NELFE: variants seen among roughly 807,000 people sequenced by gnomAD.
NELFE encodes the protein negative elongation factor E.
NELFE carries 26 observed loss-of-function variants against 55.5 expected under a neutral mutation model. That is an observed-to-expected ratio of 0.47 (90% CI 0.34 to 0.65). The LOEUF (loss-of-function observed/expected upper bound fraction) is 0.65. Among genes scored for constraint, NELFE ranks in the 30% least tolerant of loss-of-function variants. NELFE has a pLI of 0.01. For synonymous variants in NELFE, 162 were observed against 178.0 expected, an observed-to-expected ratio of 0.91 and a Z score of 0.72; for missense variants, 403 against 506.9, an observed-to-expected ratio of 0.80 and a Z score of 1.97.
intron 4 of NELFE, among the ~76,000 whole-genome samples, chr6:31,955,940 T>C (rs1248734381): frequency 1.3e-5 from 2 of 151,918 alleles, no homozygotes; most frequent in Non-Finnish European, 2.9e-5. Context: ...CTGCTAATTT[T>C]TTTTTTTTTT....
At chr6:31,958,247 CTGTGA>C (rs1772213278) in intron 2 of NELFE, 120 bp downstream of exon 2, 1 of 853,228 alleles carries the variant, frequency 1.2e-6, no homozygotes, top group South Asian at 1.3e-5. Flanking sequence ...CGAAGCTACA[CTGTGA>C]GGTGATATGT....
At chr6:31,958,599 G>T in intron 1 of NELFE, 145 bp from the exon 2 acceptor site, 1 of 728,574 alleles carries the variant, frequency 1.4e-6, no homozygotes, top group South Asian at 1.4e-5. Context: ...AAACCAGGCT[G>T]CTGTCCAAGC....
At position 31,954,137 on chromosome 6, in the gene NELFE, G is replaced by C; in HGVS notation, c.888-3C>G. On this transcript the variant is annotated splice_polypyrimidine_tract_variant and splice_region_variant and intron_variant, in intron 8 of 10. Transcript: ENST00000375429. The surrounding 1 kb of genome is among the most constrained non-coding windows in gnomAD (Gnocchi z 5.5). ...TTTCATAGGTGACGAAGGCACAGCT[G>C]GGATAAGAGAAAACACGGTCAGTGG... The C allele has an allele frequency of 6.2e-7, 1 of 1,614,038 alleles. No individual in the cohort carries two copies. Among genetic ancestry groups the C allele is most frequent in the Non-Finnish European group, 8.5e-7 (1 of 1,179,990 alleles).
chr6:31,954,603 T>C lies in NELFE; in HGVS notation c.694A>G (p.Arg232Gly). Reference sequence around the variant, plus strand: ...CGGTCTCGATCCCGCTCCCGATCCCTGTCCCGTTCCCGGTCTCGATCTCGA... The same window carrying C: ...CGGTCTCGATCCCGCTCCCGATCCCCGTCCCGTTCCCGGTCTCGATCTCGA... Reference protein sequence around the residue: ...RDRDRDRERDRDRERDRDRDR... With the variant: ...RDRDRDRERDGDRERDRDRDR... The change falls in exon 7 of 11, where the codon AGG (arginine) becomes GGG (glycine). Residue 232 changes from arginine to glycine, a missense_variant. By Grantham distance (125) the Arg-to-Gly change is moderately radical. Coordinates refer to ENST00000375429, the MANE Select transcript of NELFE (RefSeq NM_002904.6). The surrounding 1 kb of genome is among the most constrained non-coding windows in gnomAD (Gnocchi z 5.5). 1.2e-6 allele frequency: 2 copies of C among 1,601,248 alleles called. No individual in the cohort carries two copies. The highest frequency in any genetic ancestry group is 1.3e-5 in the African/African-American group (1 of 74,168).
Position 31,954,452 on chromosome 6 carries a change from C to A in NELFE, c.743-10G>T, listed in dbSNP as rs960732854. The A allele has an allele frequency of 2.5e-6, 4 of 1,591,916 alleles. No homozygotes were observed. In the African/African-American group the frequency reaches 4.0e-5, roughly 16 times the overall value. On this transcript the variant is annotated splice_polypyrimidine_tract_variant and intron_variant, in intron 7 of 10. Transcript: ENST00000375429. The surrounding 1 kb of genome is among the most constrained non-coding windows in gnomAD (Gnocchi z 5.5). The stretch of plus-strand genomic sequence containing the variant: ...GGGAATGAATCCGACCCTTTGGGAG[C>A]ACAAATCATAGTCACAAGACATAGA...
In NELFE at chr6:31,954,679, T is replaced by C. The variant is rs1582150150; in HGVS notation, c.618A>G (p.Arg206=). The C allele has an allele frequency of 6.3e-7, 1 of 1,591,770 alleles. No individual in the cohort carries two copies. The highest frequency in any genetic ancestry group is 8.6e-7 in the Non-Finnish European group (1 of 1,167,586). ...RDRDRDRERD[R]DRDRDRDRER... ...CTCTGTCTCTGTCTCGATCCCGGTC[T>C]CGATCCCGCTCCCGATCTCGGTCTC... Residue 206 remains arginine (R), a synonymous_variant, in exon 7 of 11, where the codon CGA becomes CGG. Coordinates refer to ENST00000375429, the MANE Select transcript of NELFE (RefSeq NM_002904.6). The surrounding 1 kb of genome is among the most constrained non-coding windows in gnomAD (Gnocchi z 5.5).
rs142699917 is a variant in NELFE at position 31,958,004 on chromosome 6, G to A, written c.75+368C>T. Among the ~76,000 whole-genome samples, 4 of 152,284 alleles carry A rather than the reference G, an allele frequency of 2.6e-5. No individual in the cohort carries two copies. In the East Asian group the frequency reaches 7.7e-4, roughly 29 times the overall value. ...GTCAGAGTTTTGAGTCCAAACATGT[G>A]GCAGAATTGGTGTAGTCAATCTTAT... On this transcript the variant is annotated intron_variant, in intron 2 of 10. Transcript: ENST00000375429.
chr6:31,954,557 C>T lies in NELFE; in HGVS notation c.740G>A (p.Arg247His), dbSNP rs373302915. The change falls in exon 7 of 11, where the codon CGC becomes CAC. Residue 247 changes from arginine to histidine, a missense_variant and splice_region_variant. Physicochemically the swap from Arg to His is conservative, Grantham distance 29. Coordinates refer to ENST00000375429, the MANE Select transcript of NELFE (RefSeq NM_002904.6). The surrounding 1 kb of genome is among the most constrained non-coding windows in gnomAD (Gnocchi z 5.5). ...GACCTCCAGCCAAAATCACTCACTG[C>T]GGAAAGGACCCTCTCGGTCTCGGTC... ...DRDRDREGPF[R>H]RSDSFPERRA... The T allele has an allele frequency of 9.8e-5, 157 of 1,604,746 alleles. No individual in the cohort carries two copies. In the South Asian group the frequency reaches 1.0e-3, roughly 10 times the overall value.
At position 31,954,616 on chromosome 6, in the gene NELFE, G is replaced by A. The variant is rs1771959634; in HGVS notation, c.681C>T (p.Asp227=). 6.2e-7 allele frequency: 1 copy of A among 1,609,668 alleles called. No individual in the cohort carries two copies. The part of the protein sequence containing the change: ...DRDRDRDRDR[D]RERDRDRERD... ...GCTCCCGATCCCTGTCCCGTTCCCG[G>A]TCTCGATCTCGATCCCGATCCCGAT... Residue 227 remains aspartate (D), a synonymous_variant, in exon 7 of 11, where the codon GAC becomes GAT. Coordinates refer to ENST00000375429, the MANE Select transcript of NELFE (RefSeq NM_002904.6). This position sits in a 1 kb window ranked among gnomAD's most constrained non-coding sequence, Gnocchi z 5.5.
intron 4 of NELFE, 55 bp from the exon 5 acceptor site, chr6:31,955,348 A>C: frequency 7.4e-7 from 1 of 1,344,198 alleles, no homozygotes; most frequent in Non-Finnish European, 1.0e-6. Flanking sequence ...CCAACCATGG[A>C]CCAGAGGTGT....
At chr6:31,957,476 G>A in intron 2 of NELFE, 1 of 458,972 alleles carries the variant, frequency 2.2e-6, no homozygotes, top group Non-Finnish European at 4.4e-6. Context: ...ACAATTATAA[G>A]AGGTGCAGAT....
chr6:31,953,706 G>A, intron 10 of NELFE, 23 bp downstream of exon 10: 1 of 1,585,346 alleles, frequency 6.3e-7, no homozygotes, highest in Admixed American at 1.7e-5. Context: ...GAGAGGATGG[G>A]AAAGGAAGAA....
At position 31,954,855 on chromosome 6, in the gene NELFE, G is replaced by A. The variant is rs1314841229; in HGVS notation, c.442C>T (p.Pro148Ser). The change falls in exon 7 of 11, where the codon CCA becomes TCA. Residue 148 changes from proline (P) to serine (S), a missense_variant. Pro to Ser is a moderately conservative substitution (Grantham distance 74, BLOSUM62 -1). Coordinates refer to ENST00000375429, the MANE Select transcript of NELFE (RefSeq NM_002904.6). This position sits in a 1 kb window ranked among gnomAD's most constrained non-coding sequence, Gnocchi z 5.5. ...SSSDRLRELG[P>S]DGEEAEGPGA... ...GGGCCCTCTGCCTCTTCTCCATCTG[G>A]TCCTAGTTCTCGAAGTCGATCACTA... 5.7e-6 allele frequency: 9 copies of A among 1,572,032 alleles called. No individual in the cohort carries two copies. The highest frequency in any genetic ancestry group is 7.7e-6 in the Non-Finnish European group (9 of 1,161,982).
In NELFE at chr6:31,954,457, A is replaced by C; in HGVS notation, c.743-15T>G. The C allele has an allele frequency of 6.3e-7, 1 of 1,590,618 alleles. No individual in the cohort carries two copies. The highest frequency in any genetic ancestry group is 2.2e-5 in the East Asian group (1 of 44,638). On this transcript the variant is annotated splice_polypyrimidine_tract_variant and intron_variant, in intron 7 of 10. Transcript: ENST00000375429. The surrounding 1 kb of genome is among the most constrained non-coding windows in gnomAD (Gnocchi z 5.5). ...TGAATCCGACCCTTTGGGAGCACAA[A>C]TCATAGTCACAAGACATAGACCATG...
In NELFE at chr6:31,954,721, A is replaced by C. The variant is rs1260035742; in HGVS notation, c.576T>G (p.His192Gln). 6.2e-7 allele frequency: 1 copy of C among 1,613,450 alleles called. No homozygotes were observed. The highest frequency in any genetic ancestry group is 2.2e-5 in the East Asian group (1 of 44,860). The change falls in exon 7 of 11, where the codon CAT (histidine) becomes CAG (glutamine). Residue 192 changes from histidine (H) to glutamine (Q), a missense_variant. Physicochemically the swap from His to Gln is conservative, Grantham distance 24. Coordinates refer to ENST00000375429, the MANE Select transcript of NELFE (RefSeq NM_002904.6). The surrounding 1 kb of genome is among the most constrained non-coding windows in gnomAD (Gnocchi z 5.5). ...CTCGGTCTCTGTCCCGGTTCCTCTC[A>C]TGGCTGCGGTCCCGGCTGCGGCTTC... ...PPRSRSRDRS[H>Q]ERNRDRDRDR...
At chr6:31,958,505 G>C (rs1772237075) in intron 1 of NELFE, 51 bp from the exon 2 acceptor site, 1 of 1,493,582 alleles carries the variant, frequency 6.7e-7, no homozygotes, top group South Asian at 1.1e-5. Context: ...TACCACCCGG[G>C]GTTCACACGC....
chr6:31,957,747 A>C (rs1027621000), intron 2 of NELFE, among the ~76,000 whole-genome samples: 5 of 152,194 alleles, frequency 3.3e-5, no homozygotes, highest in African/African-American at 1.2e-4. Flanking sequence ...GGTTTTTGAG[A>C]AACAGAGGGA....
Position 31,954,759 on chromosome 6 carries a change from C to G in NELFE, c.538G>C (p.Ala180Pro). The G allele has an allele frequency of 1.2e-6, 2 of 1,613,270 alleles. No homozygotes were observed. The highest frequency in any genetic ancestry group is 1.7e-6 in the Non-Finnish European group (2 of 1,179,982). The stretch of plus-strand genomic sequence containing the variant: ...CGGCTGCGGCTTCGGGGAGGGGAGG[C>G]TGAGGAGTGGGCACCACTGCGTTCT... The part of the protein sequence containing the change: ...YEERSGAHSS[A>P]SPPRSRSRDR... The change falls in exon 7 of 11, where the codon GCC becomes CCC. Residue 180 changes from alanine (A) to proline (P), a missense_variant. Physicochemically the swap from Ala to Pro is conservative, Grantham distance 27. This residue lies in a region of NELFE where 229 missense variants were observed against 228.3 expected (regional missense o/e 1.00). Transcript: ENST00000375429. The surrounding 1 kb of genome is among the most constrained non-coding windows in gnomAD (Gnocchi z 5.5).
intron 10 of NELFE, among the ~76,000 whole-genome samples, chr6:31,952,958 CAT>C (rs1771855506): frequency 6.6e-6 from 1 of 152,216 alleles, no homozygotes; most frequent in African/African-American, 2.4e-5. Context: ...CTCCACCAGA[CAT>C]GTTACTCTCT....
Sources: gnomAD v4.1 joint callset for allele counts (sites outside exome capture counted in the v4.1 genomes callset) on GRCh38, gnomAD v4.1.1 for gene constraint, gnomAD v4.1.1 regional missense constraint, Gnocchi (gnomAD v3.1) non-coding constraint, MANE v1.5 for transcripts, NCBI Gene and HGNC (gene_info 2026-07-23, HGNC 2026-07-21) for gene names.